Variants in IRX1 observed in about 807,000 individuals in gnomAD.
The protein encoded by IRX1 is iroquois homeobox 1, also known as iroquois-class homeodomain protein IRX-1.
In IRX1, 22 loss-of-function variants were observed where a neutral mutation model predicts 34.1. The observed-to-expected ratio is 0.64, with a 90% CI of 0.46 to 0.92. The LOEUF (loss-of-function observed/expected upper bound fraction) is 0.92. Ranked by LOEUF, IRX1 falls within the 40% of genes least tolerant of loss-of-function variation. IRX1 has a pLI of 0.00. For missense variants in IRX1, 758 were observed against 680.0 expected (o/e 1.11, Z -1.28); for synonymous variants, 363 against 319.0 (o/e 1.14, Z -1.47).
At position 3,600,294 on chromosome 5, in the gene IRX1, G is replaced by A. The variant is rs201891958; in HGVS notation, c.1312+34G>A. On this transcript the variant is annotated intron_variant, in intron 2 of 3. Transcript: ENST00000302006. ...CCAGGCCGCGTCCACCTGTCCCCTA[G>A]CTGGGAATGCAGAGGCCTGGCTAGG... The A allele has an allele frequency of 2.6e-6, 4 of 1,515,788 alleles. No homozygotes were observed. The East Asian group carries it at 9.4e-5, about 36-fold the overall frequency. The allele number at this position is 1,515,788 out of a possible 1,614,324, so 93.9% of individuals were successfully genotyped here.
intron 1 of IRX1, among the ~76,000 whole-genome samples, chr5:3,597,486 C>T (rs1733817416): frequency 1.3e-5 from 2 of 152,210 alleles, no homozygotes; most frequent in South Asian, 2.1e-4. Flanking sequence ...GCGGGTTTCC[C>T]TGTAACTTTT....
chr5:3,600,911 C>G (rs1733949010), intron 3 of IRX1, 72 bp from the exon 4 acceptor site: 3 of 1,492,154 alleles, frequency 2.0e-6, no homozygotes, highest in Admixed American at 3.4e-5. Context: ...CTACTGGAAC[C>G]GGCGTCGCCC....
At chr5:3,600,874 G>A (rs1317082368) in intron 3 of IRX1, 109 bp from the exon 4 acceptor site, 4 of 1,278,036 alleles carry the variant, frequency 3.1e-6, no homozygotes, top group East Asian at 2.3e-5. Context: ...AGCCGCGCTG[G>A]CTGTCGACCC....
chr5:3,600,850 TC>T, intron 3 of IRX1, 132 bp from the exon 4 acceptor site: 1 of 1,182,458 alleles, frequency 8.5e-7, no homozygotes, highest in East Asian at 2.4e-5. Flanking sequence ...GACTGGAGTT[TC>T]TCCCCAGCCG....
Position 3,601,373 on chromosome 5 carries a change from A to C in IRX1, c.*333A>C. The C allele has an allele frequency of 2.8e-6, 1 of 351,154 alleles. No homozygotes were observed. Among genetic ancestry groups the C allele is most frequent in the Non-Finnish European group, 5.3e-6 (1 of 188,674 alleles). 21.8% of individuals were successfully genotyped at this position (351,154 alleles called of 1,614,324 possible). A position where few individuals can be genotyped will look rare whatever the true frequency, so the allele number is the denominator to read the frequency against. On this transcript the variant is annotated 3_prime_UTR_variant, in exon 4 of 4. Coordinates refer to ENST00000302006, the MANE Select transcript of IRX1 (RefSeq NM_024337.4). ...GTCAGCGAACTTGTCTAAATCATAT[A>C]TTTTTGTCTAATAAACTAAATGAAA...
At position 3,599,727 on chromosome 5, in the gene IRX1, C is replaced by G. The variant is rs749274347; in HGVS notation, c.779C>G (p.Ala260Gly). The G allele has an allele frequency of 1.4e-5, 23 of 1,612,280 alleles. No individual in the cohort carries two copies. The Admixed American group carries it at 3.7e-4, about 26-fold the overall frequency. The change falls in exon 2 of 4, where the codon GCT becomes GGT. Residue 260 changes from alanine (A) to glycine (G), a missense_variant. By Grantham distance (60) the Ala-to-Gly change is moderately conservative (BLOSUM62 0). Transcript: ENST00000302006. This position sits in a 1 kb window ranked among gnomAD's most constrained non-coding sequence, Gnocchi z 6.6. ...CCGCACGCGCCCGCAGCCCCTTCTG[C>G]TCTTGCCCGGGACCAAGGCTCGCCG... ...EAPHAPAAPS[A>G]LARDQGSPLA...
Position 3,599,794 on chromosome 5 carries a change from G to A in IRX1, c.846G>A (p.Leu282=), listed in dbSNP as rs777640998. Residue 282 remains leucine, a synonymous_variant, in exon 2 of 4, where the codon TTG becomes TTA. Transcript: ENST00000302006. This position sits in a 1 kb window ranked among gnomAD's most constrained non-coding sequence, Gnocchi z 6.6. ...ADVLKPQDSP[L]GLAKEAPEPG... is the part of the protein sequence containing the mutation. ...TTCTCAAGCCCCAGGACTCGCCCTT[G>A]GGCCTGGCAAAGGAGGCCCCAGAGC... is the stretch of plus-strand genomic sequence containing the variant. The A allele has an allele frequency of 1.9e-6, 3 of 1,598,630 alleles. No individual in the cohort carries two copies. The highest frequency in any genetic ancestry group is 1.7e-5 in the Admixed American group (1 of 57,778).
chr5:3,597,313 C>T (rs1255920114), intron 1 of IRX1, among the ~76,000 whole-genome samples: 1 of 152,192 alleles, frequency 6.6e-6, no homozygotes, highest in Non-Finnish European at 1.5e-5. Flanking sequence ...GCTTAAACTT[C>T]GGACGGCTGG....
At chr5:3,598,867 G>GA (rs1733864849) in intron 1 of IRX1, among the ~76,000 whole-genome samples, 2 of 152,184 alleles carry the variant, frequency 1.3e-5, no homozygotes, top group African/African-American at 2.4e-5. Flanking sequence ...TGGTGGTGGG[G>GA]ACAGGGGTCG....
chr5:3,598,480 C>T (rs574009706), intron 1 of IRX1, among the ~76,000 whole-genome samples: 11 of 151,598 alleles, frequency 7.3e-5, no homozygotes, highest in African/African-American at 2.7e-4. Flanking sequence ...CCAGCCCTTG[C>T]GTTAATATTT....
In IRX1 at chr5:3,600,226, C is replaced by G; in HGVS notation, c.1278C>G (p.Asp426Glu). ...TTGCCCCGGGGGCACTCAATGGAGACAAGGCCTCGGTCCGCAGCAGCCCCA... is the reference window on the plus strand; with the variant it reads ...TTGCCCCGGGGGCACTCAATGGAGAGAAGGCCTCGGTCCGCAGCAGCCCCA... Reference protein sequence around the residue: ...VAIAPGALNGDKASVRSSPTL... With the variant: ...VAIAPGALNGEKASVRSSPTL... The change falls in exon 2 of 4, where the codon GAC (aspartate) becomes GAG (glutamate). Residue 426 changes from aspartate to glutamate, a missense_variant. Asp to Glu is a conservative substitution (Grantham distance 45). This residue lies in a region of IRX1 where 529 missense variants were observed against 418.8 expected (regional missense o/e 1.26). Coordinates refer to ENST00000302006, the MANE Select transcript of IRX1 (RefSeq NM_024337.4). 1.2e-6 allele frequency: 2 copies of G among 1,605,604 alleles called. No homozygotes were observed. Among genetic ancestry groups the G allele is most frequent in the East Asian group, 4.5e-5 (2 of 44,756 alleles).
chr5:3,600,762 C>T (rs1733942829), intron 3 of IRX1, 81 bp downstream of exon 3: 5 of 1,379,460 alleles, frequency 3.6e-6, no homozygotes, highest in East Asian at 4.7e-5. Flanking sequence ...GCGGAGCTGG[C>T]TGGGTGGCGG....
intron 1 of IRX1, among the ~76,000 whole-genome samples, chr5:3,598,016 T>G (rs1030394359): frequency 4.6e-5 from 7 of 152,152 alleles, no homozygotes; most frequent in Admixed American, 6.5e-5. Context: ...TTCTGAGTTG[T>G]TTTTCCCACC....
rs755817015 is a variant in IRX1 at position 3,599,788 on chromosome 5, G to A, written c.840G>A (p.Ser280=). ...AAADVLKPQD[S]PLGLAKEAPE... is the part of the protein sequence containing the mutation. ...CCGACGTTCTCAAGCCCCAGGACTC[G>A]CCCTTGGGCCTGGCAAAGGAGGCCC... Residue 280 remains serine (S), a synonymous_variant, in exon 2 of 4, where the codon TCG becomes TCA. Coordinates refer to ENST00000302006, the MANE Select transcript of IRX1 (RefSeq NM_024337.4). This position sits in a 1 kb window ranked among gnomAD's most constrained non-coding sequence, Gnocchi z 6.6. The A allele has an allele frequency of 2.5e-6, 4 of 1,601,474 alleles. No homozygotes were observed. The highest frequency in any genetic ancestry group is 3.4e-5 in the Admixed American group (2 of 58,280).
intron 3 of IRX1, 101 bp downstream of exon 3, chr5:3,600,782 C>A (rs1733945356): frequency 8.1e-7 from 1 of 1,238,836 alleles, no homozygotes; most frequent in African/African-American, 1.5e-5. Flanking sequence ...GTGGGGGTCG[C>A]GCAGTCCTAG....
Position 3,596,209 on chromosome 5 carries a change from C to G in IRX1, c.104C>G (p.Ala35Gly), listed in dbSNP as rs1743687958. 9.4e-7 allele frequency: 1 copy of G among 1,059,998 alleles called. No individual in the cohort carries two copies. Among genetic ancestry groups the G allele is most frequent in the African/African-American group, 1.7e-5 (1 of 58,694 alleles). 65.7% of individuals were successfully genotyped at this position (1,059,998 alleles called of 1,614,324 possible). ...GTGCTGGCCGCGGCCGCTGCGGCGG[C>G]TGCCGCCGCCTCGTCGGGCCGACCG... ...PGVLAAAAAA[A>G]AAASSGRPGA... The change falls in exon 1 of 4, where the codon GCT (alanine) becomes GGT (glycine). Residue 35 changes from alanine to glycine, a missense_variant. Transcript: ENST00000302006.
intron 3 of IRX1, 44 bp downstream of exon 3, chr5:3,600,725 G>A (rs762201966): frequency 2.3e-5 from 36 of 1,556,312 alleles, no homozygotes; most frequent in East Asian, 6.7e-5. Flanking sequence ...CGGTGGGGAG[G>A]GGGGAGGAGG....
chr5:3,599,088 C>G lies in IRX1; in HGVS notation c.277-137C>G. On this transcript the variant is annotated intron_variant, in intron 1 of 3. Transcript: ENST00000302006. This position sits in a 1 kb window ranked among gnomAD's most constrained non-coding sequence, Gnocchi z 6.6. ...CAGCACAGGAGAGCCCCGCAAAGCG[C>G]CTGGGAGGCCCTCGAGTCCATTGAA... The G allele has an allele frequency of 1.1e-6, 1 of 870,874 alleles. No homozygotes were observed. Among genetic ancestry groups the G allele is most frequent in the Non-Finnish European group, 1.7e-6 (1 of 580,742 alleles). 53.9% of individuals were successfully genotyped at this position (870,874 alleles called of 1,614,324 possible).
At position 3,596,376 on chromosome 5, in the gene IRX1, C is replaced by A. The variant is rs1743696099; in HGVS notation, c.271C>A (p.Gln91Lys). 5.2e-6 allele frequency: 8 copies of A among 1,533,034 alleles called. No homozygotes were observed. Among genetic ancestry groups the A allele is most frequent in the Non-Finnish European group, 7.0e-6 (8 of 1,143,848 alleles). 95.0% of individuals were successfully genotyped at this position (1,533,034 alleles called of 1,614,324 possible). Residue 91 changes from glutamine to lysine, a missense_variant, in exon 1 of 4, where the codon CAG (glutamine) becomes AAG (lysine). By Grantham distance (53) the Gln-to-Lys change is moderately conservative. This residue lies in a region of IRX1 where 195 missense variants were observed against 195.0 expected (regional missense o/e 1.00). Coordinates refer to ENST00000302006, the MANE Select transcript of IRX1 (RefSeq NM_024337.4). ...CGCCGCGGATCTCAGCCTCTTCTCG[C>A]AGATGGTGAGTGCGCCCGGCCTCCC... ...PYAADLSLFS[Q>K]MGSQYELKDN...
Sources: gnomAD v4.1 joint callset for allele counts (sites outside exome capture counted in the v4.1 genomes callset) on GRCh38, gnomAD v4.1.1 for gene constraint, gnomAD v4.1.1 regional missense constraint, Gnocchi (gnomAD v3.1) non-coding constraint, MANE v1.5 for transcripts, NCBI Gene and HGNC (gene_info 2026-07-23, HGNC 2026-07-21) for gene names.